TMEM132D: variants seen among roughly 807,000 people sequenced by gnomAD.
TMEM132D encodes transmembrane protein 132D, also known as mature OL transmembrane protein.
TMEM132D carries 21 observed loss-of-function variants against 62.3 expected under a neutral mutation model. The observed-to-expected ratio is 0.34, with a 90% CI of 0.24 to 0.49. TMEM132D has a LOEUF of 0.49. Among genes scored for constraint, TMEM132D ranks in the 20% least tolerant of loss-of-function variants. The probability of loss-of-function intolerance (pLI) is 0.99; values close to 1 mark genes in which losing one functional copy is unlikely to be tolerated. For synonymous variants in TMEM132D, 621 were observed against 575.6 expected (o/e 1.08, Z -1.13); for missense variants, 1,346 against 1,402.8 (o/e 0.96, Z 0.65).
At chr12:129,538,391 G>GT (rs1876468001) in intron 2 of TMEM132D, among the ~76,000 whole-genome samples, 1 of 152,130 alleles carries the variant, frequency 6.6e-6, no homozygotes, top group African/African-American at 2.4e-5. Context: ...TTCATATAGA[G>GT]TATGATATGA....
intron 5 of TMEM132D, among the ~76,000 whole-genome samples, chr12:129,100,198 C>G (rs1412868980): frequency 1.3e-5 from 2 of 152,082 alleles, no homozygotes; most frequent in African/African-American, 4.8e-5. Flanking sequence ...CTACCACCAC[C>G]CCTGGCTAAT....
intron 1 of TMEM132D, among the ~76,000 whole-genome samples, chr12:129,832,788 G>A (rs769660446): frequency 4.1e-4 from 62 of 152,140 alleles, no homozygotes; most frequent in Non-Finnish European, 7.1e-4. Flanking sequence ...TTATGGAGCC[G>A]TCACTTTTCT....
chr12:129,326,857 T>TA (rs1475987070), intron 4 of TMEM132D, among the ~76,000 whole-genome samples: 2 of 152,146 alleles, frequency 1.3e-5, no homozygotes, highest in South Asian at 4.1e-4. Flanking sequence ...TTATAAACTA[T>TA]AAATAAAAGA....
intron 1 of TMEM132D, among the ~76,000 whole-genome samples, chr12:129,753,195 A>C (rs1270542506): frequency 2.0e-5 from 3 of 152,222 alleles, no homozygotes; most frequent in African/African-American, 7.2e-5. Flanking sequence ...TGGTGCAGCT[A>C]TCCTGGGATT....
intron 2 of TMEM132D, among the ~76,000 whole-genome samples, chr12:129,664,642 G>C (rs1880331112): frequency 6.6e-6 from 1 of 151,930 alleles, no homozygotes. Context: ...AGCCAGGATG[G>C]TCTCGATCCC....
rs1185462028 is a variant in TMEM132D, at chr12:129,763,747, C to T, written c.80-63049G>A. ...TGAGTTGCTTTACAGTCACCATGGA[C>T]CCCCAAGGCTGCAGGTCCTGTAAAC... On this transcript the variant is annotated intron_variant, in intron 1 of 8. Transcript: ENST00000422113. Among the ~76,000 whole-genome samples, 3 of 14,768 alleles carry T rather than the reference C, an allele frequency of 2.0e-4. No homozygotes were observed. In the Non-Finnish European group the frequency reaches 0.011, roughly 54 times the overall value. The allele number at this position is 14,768 out of a possible 152,430, so 9.7% of individuals were successfully genotyped here.
rs987187538 is a variant in TMEM132D, at chr12:129,779,944, C to A, written c.80-79246G>T. On this transcript the variant is annotated intron_variant, in intron 1 of 8. Coordinates refer to ENST00000422113, the MANE Select transcript of TMEM132D (RefSeq NM_133448.3). The surrounding 1 kb of genome is among the most constrained non-coding windows in gnomAD (Gnocchi z 4.1). Reference sequence around the variant, plus strand: ...GACTCCAGAAATCCTTACAACCATCCTCCGAGAAAGCACTGTCAGCCCCAT... The same window carrying A: ...GACTCCAGAAATCCTTACAACCATCATCCGAGAAAGCACTGTCAGCCCCAT... Among the ~76,000 whole-genome samples the A allele has an allele frequency of 1.3e-5, 2 of 152,090 alleles. No individual in the cohort carries two copies. The highest frequency in any genetic ancestry group is 4.8e-5 in the African/African-American group (2 of 41,402).
intron 5 of TMEM132D, among the ~76,000 whole-genome samples, chr12:129,136,355 C>G (rs536906036): frequency 1.1e-4 from 17 of 152,292 alleles, no homozygotes; most frequent in African/African-American, 3.4e-4. Flanking sequence ...TCCTTATTCA[C>G]CTTCAATCTG....
intron 5 of TMEM132D, among the ~76,000 whole-genome samples, chr12:129,178,967 T>G (rs1877987610): frequency 6.6e-6 from 1 of 152,190 alleles, no homozygotes; most frequent in African/African-American, 2.4e-5. Context: ...CTGGGACCAC[T>G]GTGTGAATGG....
intron 1 of TMEM132D, among the ~76,000 whole-genome samples, chr12:129,899,057 G>A (rs923728287): frequency 4.6e-5 from 7 of 152,216 alleles, no homozygotes; most frequent in African/African-American, 1.7e-4. Context: ...AATAGTTCCT[G>A]CTGAGCTCTG....
intron 4 of TMEM132D, among the ~76,000 whole-genome samples, chr12:129,310,541 C>T (rs765987980): frequency 1.3e-5 from 2 of 152,186 alleles, no homozygotes; most frequent in African/African-American, 2.4e-5. Context: ...CTGGGGCTTC[C>T]AGAGACTTTT....
intron 4 of TMEM132D, among the ~76,000 whole-genome samples, chr12:129,312,522 C>A (rs555023506): frequency 1.2e-4 from 19 of 152,078 alleles, no homozygotes; most frequent in African/African-American, 4.6e-4. Flanking sequence ...TTTTTGTACA[C>A]CTGCTGTATA....
chr12:129,269,191 T>A (rs1374261082), intron 4 of TMEM132D, among the ~76,000 whole-genome samples: 2 of 152,172 alleles, frequency 1.3e-5, no homozygotes, highest in African/African-American at 4.8e-5. Context: ...CTCTTTTTTT[T>A]ATTCTGCATT....
In TMEM132D at chr12:129,854,820, G is replaced by C. The variant is rs1873665359; in HGVS notation, c.79+48441C>G. On this transcript the variant is annotated intron_variant, in intron 1 of 8. Transcript: ENST00000422113. Reference sequence around the variant, plus strand: ...ACACAGCTAGCAAGCACCAGAGCTGGGATCTGAGCCGAGCCATCTGGCTGG... The same window carrying C: ...ACACAGCTAGCAAGCACCAGAGCTGCGATCTGAGCCGAGCCATCTGGCTGG... The C allele has an allele frequency of 2.0e-5, 3 of 152,248 alleles. No homozygotes were observed. The South Asian group carries it at 6.2e-4, about 32-fold the overall frequency. 9.4% of individuals were successfully genotyped at this position (152,248 alleles called of 1,614,324 possible).
At chr12:129,393,421 T>C (rs1593362815) in intron 3 of TMEM132D, among the ~76,000 whole-genome samples, 1 of 152,196 alleles carries the variant, frequency 6.6e-6, no homozygotes, top group African/African-American at 2.4e-5. Context: ...TTCTTGGGGA[T>C]GCTTTCCTGT....
intron 3 of TMEM132D, among the ~76,000 whole-genome samples, chr12:129,468,701 GCCT>G (rs1873999315): frequency 6.6e-6 from 1 of 152,052 alleles, no homozygotes; most frequent in African/African-American, 2.4e-5. Context: ...GCCTCCAGTG[GCCT>G]CCTCTTTCTG....
At chr12:129,653,106 C>A (rs1879973561) in intron 2 of TMEM132D, among the ~76,000 whole-genome samples, 1 of 152,128 alleles carries the variant, frequency 6.6e-6, no homozygotes, top group African/African-American at 2.4e-5. Flanking sequence ...GCTAGCCCAA[C>A]CGTGTGAAGG....
At chr12:129,689,365 A>C (rs143088540) in intron 2 of TMEM132D, among the ~76,000 whole-genome samples, 1,646 of 152,328 alleles carry the variant, frequency 0.011, 16 homozygotes, top group South Asian at 0.028. Context: ...AAATCTAGAC[A>C]TGGTTTAACT....
chr12:129,904,003 G>A lies in TMEM132D; in HGVS notation c.-664C>T, dbSNP rs1409387096. On this transcript the variant is annotated 5_prime_UTR_variant, in exon 1 of 9. Coordinates refer to ENST00000422113, the MANE Select transcript of TMEM132D (RefSeq NM_133448.3). ...CCCGGGCCCGGCTGGGGCTCGCGGG[G>A]CTCTACGCGCGCCGAGCGCACTGCA... Among the ~76,000 whole-genome samples, 1 of 149,634 alleles carries A rather than the reference G, an allele frequency of 6.7e-6. No individual in the cohort carries two copies. Among genetic ancestry groups the A allele is most frequent in the Non-Finnish European group, 1.5e-5 (1 of 67,036 alleles).
Sources: allele counts gnomAD v4.1 joint callset (sites outside exome capture counted in the v4.1 genomes callset), GRCh38; gene constraint gnomAD v4.1.1; non-coding constraint Gnocchi (gnomAD v3.1); transcripts MANE v1.5; gene names NCBI Gene and HGNC (gene_info 2026-07-23, HGNC 2026-07-21).